Variants in GRIK2 observed in about 807,000 individuals in gnomAD.
GRIK2 encodes the protein glutamate ionotropic receptor kainate type subunit 2, also known as glutamate receptor ionotropic, kainate 2.
In GRIK2, 32 loss-of-function variants were observed where a neutral mutation model predicts 100.3. The observed-to-expected ratio is 0.32, with a 90% CI of 0.24 to 0.43. The LOEUF (loss-of-function observed/expected upper bound fraction) is 0.43. Ranked by LOEUF, GRIK2 falls within the 20% of genes least tolerant of loss-of-function variation. The pLI is 1.00. For missense variants in GRIK2, 843 were observed against 1,114.9 expected (o/e 0.76, Z 3.47); for synonymous variants, 417 against 389.4 (o/e 1.07, Z -0.83).
chr6:101,796,675 A>C (rs991387537), intron 7 of GRIK2, among the ~76,000 whole-genome samples: 1 of 152,166 alleles, frequency 6.6e-6, no homozygotes, highest in Admixed American at 6.5e-5. Context: ...TAGTTTGATC[A>C]GCGACTTTTA....
intron 4 of GRIK2, among the ~76,000 whole-genome samples, chr6:101,644,185 A>C (rs1048976141): frequency 1.3e-5 from 2 of 151,862 alleles, no homozygotes; most frequent in African/African-American, 4.8e-5. Context: ...GTACAGTATG[A>C]TAAATGCTAA....
intron 7 of GRIK2, among the ~76,000 whole-genome samples, chr6:101,794,042 C>A (rs1195294054): frequency 2.0e-5 from 3 of 152,168 alleles, no homozygotes; most frequent in African/African-American, 7.2e-5. Flanking sequence ...TCCTGGTGCG[C>A]CATTTCCTAA....
Position 101,828,501 on chromosome 6 carries a change from T to A in GRIK2, c.1317+10018T>A, listed in dbSNP as rs562550782. Among the ~76,000 whole-genome samples, 310 of 151,842 alleles carry A rather than the reference T, an allele frequency of 2.0e-3. 3 individuals carry two copies. The highest frequency in any genetic ancestry group is 7.0e-3 in the African/African-American group (290 of 41,510). The stretch of plus-strand genomic sequence containing the variant: ...ATGAAAAGATGGGTCTTCGAAAGGA[T>A]AACAACATTGATATACTGCTAGCTA... On this transcript the variant is annotated intron_variant, in intron 10 of 16. Transcript: ENST00000369134.
chr6:101,840,342 G>C (rs1352682344), intron 10 of GRIK2, among the ~76,000 whole-genome samples: 2 of 152,132 alleles, frequency 1.3e-5, no homozygotes, highest in African/African-American at 4.8e-5. Context: ...TTCATTTCCT[G>C]ATACTTATCG....
At chr6:101,832,296 T>A (rs957898935) in intron 10 of GRIK2, among the ~76,000 whole-genome samples, 1 of 152,168 alleles carries the variant, frequency 6.6e-6, no homozygotes, top group Non-Finnish European at 1.5e-5. Context: ...ACAATTTTAG[T>A]CACGCTCATT....
At chr6:101,788,897 G>A (rs183318631) in intron 7 of GRIK2, among the ~76,000 whole-genome samples, 3,866 of 152,110 alleles carry the variant, frequency 0.025, 170 homozygotes, top group African/African-American at 0.088. Flanking sequence ...TTTAATGATT[G>A]CCATTCTAAC....
At chr6:101,441,803 A>T (rs1254348364) in intron 2 of GRIK2, among the ~76,000 whole-genome samples, 1 of 152,160 alleles carries the variant, frequency 6.6e-6, no homozygotes, top group Admixed American at 6.6e-5. Context: ...ACCCTCAAAT[A>T]GGCCCTAATG....
chr6:101,704,447 A>T (rs1479355498), intron 7 of GRIK2, among the ~76,000 whole-genome samples: 3 of 151,756 alleles, frequency 2.0e-5, no homozygotes, highest in Admixed American at 1.3e-4. Context: ...AAATTAAAAG[A>T]TACAATTAAA....
chr6:101,553,993 A>G (rs1015923240), intron 2 of GRIK2, among the ~76,000 whole-genome samples: 1 of 152,176 alleles, frequency 6.6e-6, no homozygotes, highest in African/African-American at 2.4e-5. Context: ...TTCCCTGTCC[A>G]TAGTTGACTG....
intron 2 of GRIK2, among the ~76,000 whole-genome samples, chr6:101,517,208 A>G (rs1424223144): frequency 6.6e-6 from 1 of 152,156 alleles, no homozygotes; most frequent in East Asian, 1.9e-4. Flanking sequence ...AGCATGTTGT[A>G]GAGGAAGAAA....
At chr6:101,890,701 A>C (rs1181375764) in intron 12 of GRIK2, among the ~76,000 whole-genome samples, 1 of 151,932 alleles carries the variant, frequency 6.6e-6, no homozygotes, top group Admixed American at 6.6e-5. Context: ...CGGAGGTGTA[A>C]ATTTATAATC....
chr6:101,915,681 G>T (rs537132112), intron 12 of GRIK2, among the ~76,000 whole-genome samples: 24 of 151,430 alleles, frequency 1.6e-4, no homozygotes, highest in African/African-American at 5.8e-4. Flanking sequence ...TATTATAAAA[G>T]AATGTAATGG....
chr6:101,521,180 A>G (rs1774864153), intron 2 of GRIK2, among the ~76,000 whole-genome samples: 1 of 152,078 alleles, frequency 6.6e-6, no homozygotes, highest in Non-Finnish European at 1.5e-5. Context: ...TCAAAGATAA[A>G]TGTCAATCTT....
chr6:101,983,475 CT>C (rs969602045), intron 14 of GRIK2, among the ~76,000 whole-genome samples: 1 of 151,734 alleles, frequency 6.6e-6, no homozygotes, highest in Admixed American at 6.6e-5. Context: ...ACCAAAAATC[CT>C]TAGTGTAACT....
At chr6:101,506,313 A>C (rs1774024665) in intron 2 of GRIK2, among the ~76,000 whole-genome samples, 1 of 152,142 alleles carries the variant, frequency 6.6e-6, no homozygotes, top group Non-Finnish European at 1.5e-5. Context: ...TTTTTGAAAA[A>C]TCTTAATCTC....
chr6:101,419,008 G>A (rs1776285669), intron 2 of GRIK2, among the ~76,000 whole-genome samples: 1 of 152,204 alleles, frequency 6.6e-6, no homozygotes, highest in East Asian at 1.9e-4. Context: ...AAGAGTAGAG[G>A]TGTATCTTAA....
chr6:102,021,990 A>T, intron 14 of GRIK2, among the ~76,000 whole-genome samples: 1 of 150,486 alleles, frequency 6.6e-6, no homozygotes. Context: ...AATATGCAAA[A>T]ATTTTATTTT....
chr6:101,511,293 A>T (rs974600890), intron 2 of GRIK2, among the ~76,000 whole-genome samples: 1 of 152,200 alleles, frequency 6.6e-6, no homozygotes, highest in Non-Finnish European at 1.5e-5. Context: ...GCTTCTTGAC[A>T]TTTAACTACC....
At chr6:101,507,483 G>C (rs545186803) in intron 2 of GRIK2, among the ~76,000 whole-genome samples, 1 of 152,112 alleles carries the variant, frequency 6.6e-6, no homozygotes, top group Non-Finnish European at 1.5e-5. Context: ...GTCAATGATT[G>C]AGAACTTAGG....
Sources: gnomAD v4.1 joint callset for allele counts (sites outside exome capture counted in the v4.1 genomes callset) on GRCh38, gnomAD v4.1.1 for gene constraint, MANE v1.5 for transcripts, NCBI Gene and HGNC (gene_info 2026-07-23, HGNC 2026-07-21) for gene names.